AKAP13: variants seen among roughly 807,000 people sequenced by gnomAD.
AKAP13 encodes A-kinase anchoring protein 13.
AKAP13 carries 80 observed loss-of-function variants against 264.5 expected under a neutral mutation model. The observed-to-expected ratio is 0.30, with a 90% CI of 0.25 to 0.36. AKAP13 has a LOEUF of 0.36. AKAP13 is among the 10% of genes least tolerant of loss of function. AKAP13 has a pLI of 1.00. For missense variants in AKAP13, 3,712 were observed against 3,435.2 expected, an observed-to-expected ratio of 1.08 and a Z score of -2.01; for synonymous variants, 1,380 against 1,250.2, an observed-to-expected ratio of 1.10 and a Z score of -2.19.
Position 85,693,384 on chromosome 15 carries a change from T to C in AKAP13, c.5397T>C (p.Val1799=). 3 of 1,614,036 alleles carry C rather than the reference T, an allele frequency of 1.9e-6. No individual in the cohort carries two copies. The highest frequency in any genetic ancestry group is 2.5e-6 in the Non-Finnish European group (3 of 1,179,978). The change falls in exon 17 of 37, where the codon GTT becomes GTC. Residue 1799 remains valine, a synonymous_variant. Coordinates refer to ENST00000394518, the MANE Select transcript of AKAP13 (RefSeq NM_007200.5). ...GGCACACTTTCAGTTCCATTCCTGTTGTGGGTCCCATCAGCTGTAGCCAGT... is the reference window on the plus strand; with the variant it reads ...GGCACACTTTCAGTTCCATTCCTGTCGTGGGTCCCATCAGCTGTAGCCAGT... The part of the protein sequence containing the change: ...VNGHTFSSIP[V]VGPISCSQCM...
chr15:85,549,838 T>C (rs1236237846), intron 5 of AKAP13, among the ~76,000 whole-genome samples: 2 of 152,238 alleles, frequency 1.3e-5, no homozygotes, highest in African/African-American at 4.8e-5. Flanking sequence ...ACTGTACATT[T>C]ATATTACCCA....
At chr15:85,452,817 G>A (rs1192339152) in intron 1 of AKAP13, among the ~76,000 whole-genome samples, 1 of 152,170 alleles carries the variant, frequency 6.6e-6, no homozygotes, top group Non-Finnish European at 1.5e-5. Context: ...TTGAGTGCTG[G>A]CTGTAGTTCA....
chr15:85,531,193 A>G (rs1303571450), intron 3 of AKAP13, among the ~76,000 whole-genome samples: 2 of 152,236 alleles, frequency 1.3e-5, no homozygotes, highest in South Asian at 2.1e-4. Context: ...CCTTTGTGAA[A>G]TCTTCCTGCT....
rs989067937 is a variant in AKAP13, at chr15:85,486,722, A to C, written c.33+969A>C. On this transcript the variant is annotated intron_variant, in intron 2 of 36. Transcript: ENST00000394518. ...TTTTGATGGTATTGTTAATTTTGTT[A>C]TCTTAATTGTTCAGTTCTTTTTTTT... Among the ~76,000 whole-genome samples, 186 of 132,190 alleles carry C rather than the reference A, an allele frequency of 1.4e-3. 2 individuals carry two copies. The highest frequency in any genetic ancestry group is 5.0e-3 in the African/African-American group (178 of 35,424). 86.7% of individuals were successfully genotyped at this position (132,190 alleles called of 152,430 possible). A position where few individuals can be genotyped will look rare whatever the true frequency, so the allele number is the denominator to read the frequency against.
In AKAP13 at chr15:85,581,898, A is replaced by G. The variant is rs775299784; in HGVS notation, c.3830A>G (p.His1277Arg). The change falls in exon 7 of 37, where the codon CAC becomes CGC. Residue 1277 changes from histidine to arginine, a missense_variant. His to Arg is a conservative substitution (Grantham distance 29). Transcript: ENST00000394518. ...GALLTEGEAC[H>R]MSLSSPELGP... ...CTGCTTACTGAGGGGGAGGCCTGTCACATGTCACTGTCCAGCCCTGAGTTG... is the reference window on the plus strand; with the variant it reads ...CTGCTTACTGAGGGGGAGGCCTGTCGCATGTCACTGTCCAGCCCTGAGTTG... 3 of 1,614,182 alleles carry G rather than the reference A, an allele frequency of 1.9e-6. No individual in the cohort carries two copies. Among genetic ancestry groups the G allele is most frequent in the Non-Finnish European group, 8.5e-7 (1 of 1,180,012 alleles).
intron 1 of AKAP13, among the ~76,000 whole-genome samples, chr15:85,465,642 G>C (rs1366479108): frequency 6.6e-6 from 1 of 151,128 alleles, no homozygotes; most frequent in East Asian, 2.0e-4. Flanking sequence ...TGAGAATGAT[G>C]ATTTCCAATT....
At chr15:85,625,600 G>T (rs1431697865) in intron 8 of AKAP13, among the ~76,000 whole-genome samples, 1 of 152,136 alleles carries the variant, frequency 6.6e-6, no homozygotes, top group Non-Finnish European at 1.5e-5. Flanking sequence ...CTCACATCAC[G>T]CCTGTAACCC....
chr15:85,640,650 A>T (rs572065564), intron 9 of AKAP13, among the ~76,000 whole-genome samples: 2 of 152,242 alleles, frequency 1.3e-5, no homozygotes, highest in South Asian at 2.1e-4. Context: ...CACTTCCCCC[A>T]TGTAGCCTCC....
rs144636854 is a variant in AKAP13, at chr15:85,669,865, T to G, written c.5101+35T>G. The G allele has an allele frequency of 2.2e-3, 3,112 of 1,446,578 alleles. 9 individuals are homozygous for G. Among genetic ancestry groups the G allele is most frequent in the Non-Finnish European group, 2.7e-3 (2,851 of 1,044,900 alleles). The allele number at this position is 1,446,578 out of a possible 1,614,324, so 89.6% of individuals were successfully genotyped here. A position where few individuals can be genotyped will look rare whatever the true frequency, so the allele number is the denominator to read the frequency against. ...CTACTTTTTAAAAAAATTAAATATATTAAATCTTAACCACTCTTCCTATTA... is the reference window on the plus strand; with the variant it reads ...CTACTTTTTAAAAAAATTAAATATAGTAAATCTTAACCACTCTTCCTATTA... On this transcript the variant is annotated intron_variant, in intron 14 of 36. Transcript: ENST00000394518.
At chr15:85,450,417 A>G (rs1236048802) in intron 1 of AKAP13, among the ~76,000 whole-genome samples, 1 of 150,360 alleles carries the variant, frequency 6.7e-6, no homozygotes, top group Non-Finnish European at 1.5e-5. Flanking sequence ...TTTGGGGTTG[A>G]TTTGTTCTTC....
At chr15:85,437,860 A>G (rs2073390988) in intron 1 of AKAP13, among the ~76,000 whole-genome samples, 2 of 151,728 alleles carry the variant, frequency 1.3e-5, no homozygotes, top group Admixed American at 6.6e-5. Flanking sequence ...AGCCAATATC[A>G]TACTGAATGG....
intron 2 of AKAP13, among the ~76,000 whole-genome samples, chr15:85,499,620 C>T (rs977326593): frequency 3.9e-5 from 6 of 152,112 alleles, no homozygotes; most frequent in East Asian, 1.9e-4. Context: ...AAACTGTTAA[C>T]GGCATCTCTT....
intron 10 of AKAP13, among the ~76,000 whole-genome samples, chr15:85,652,294 A>G (rs537325945): frequency 2.7e-4 from 41 of 152,214 alleles, no homozygotes; most frequent in Non-Finnish European, 5.7e-4. Context: ...TGCCAGAGAG[A>G]TAGCAGGCCT....
In AKAP13 at chr15:85,717,996, G is replaced by A; in HGVS notation, c.5849-11G>A. On this transcript the variant is annotated splice_polypyrimidine_tract_variant and intron_variant, in intron 21 of 36. Transcript: ENST00000394518. ...AACCTGATTCTGATATTGATTTTTT[G>A]ATATATTGAGGAGTAGGTACAGACA... 1 of 1,606,784 alleles carries A rather than the reference G, an allele frequency of 6.2e-7. No homozygotes were observed. The highest frequency in any genetic ancestry group is 8.5e-7 in the Non-Finnish European group (1 of 1,175,774).
At chr15:85,613,713 T>TATGTATGTATGTATA in intron 8 of AKAP13, among the ~76,000 whole-genome samples, 1 of 110,988 alleles carries the variant, frequency 9.0e-6, no homozygotes, top group East Asian at 3.4e-4. Context: ...TATATATATA[T>TATGTATGTATGTATA]TAGGAGTGCT....
chr15:85,442,503 TTA>T (rs1445017119), intron 1 of AKAP13, among the ~76,000 whole-genome samples: 2 of 108,484 alleles, frequency 1.8e-5, no homozygotes, highest in South Asian at 2.7e-4. Flanking sequence ...ATATATTATA[TTA>T]TATATAATAT....
chr15:85,722,382 A>G (rs1414930404), intron 25 of AKAP13, 35 bp downstream of exon 25: 2 of 1,543,994 alleles, frequency 1.3e-6, no homozygotes, highest in East Asian at 2.3e-5. Context: ...TTGTATGGTC[A>G]TGGACTGTTT....
intron 1 of AKAP13, among the ~76,000 whole-genome samples, chr15:85,411,473 C>T (rs775212929): frequency 1.3e-5 from 2 of 151,958 alleles, no homozygotes; most frequent in Non-Finnish European, 2.9e-5. Context: ...AGTCTTGCTC[C>T]GTCCCCCAGG....
At chr15:85,738,559 T>C (rs2088710319) in intron 33 of AKAP13, among the ~76,000 whole-genome samples, 1 of 151,700 alleles carries the variant, frequency 6.6e-6, no homozygotes, top group African/African-American at 2.4e-5. Context: ...CACTGAAAAA[T>C]AGCTACCGTT....
Sources: gnomAD v4.1 joint callset for allele counts (sites outside exome capture counted in the v4.1 genomes callset) on GRCh38, gnomAD v4.1.1 for gene constraint, MANE v1.5 for transcripts, NCBI Gene and HGNC (gene_info 2026-07-23, HGNC 2026-07-21) for gene names.